Variants in HTT-AS observed in about 807,000 individuals in gnomAD.
The protein encoded by HTT-AS is HTT antisense RNA (head to head).
intron 1 of HTT-AS, among the ~76,000 whole-genome samples, chr4:3,073,985 C>A (rs1255892656): frequency 6.6e-6 from 1 of 151,930 alleles, no homozygotes; most frequent in Non-Finnish European, 1.5e-5. Flanking sequence ...CATGGGCCTG[C>A]GCCCGCGCTC....
chr4:3,066,702 G>A (rs1259781420), intron 1 of HTT-AS, among the ~76,000 whole-genome samples: 5 of 152,162 alleles, frequency 3.3e-5, no homozygotes, highest in Non-Finnish European at 7.3e-5. Context: ...GATTAAGATG[G>A]CCTAGGACTT....
chr4:3,048,111 T>G (rs1711634514), downstream of HTT-AS, among the ~76,000 whole-genome samples: 1 of 152,092 alleles, frequency 6.6e-6, no homozygotes, highest in African/African-American at 2.4e-5. Flanking sequence ...AGTGGTCCCC[T>G]GGGCCCAGCT....
At chr4:3,046,403 G>A (rs1470256695), downstream of HTT-AS, among the ~76,000 whole-genome samples, 1 of 152,202 alleles carries the variant, frequency 6.6e-6, no homozygotes, top group East Asian at 1.9e-4. Flanking sequence ...CCAAGACTCA[G>A]GTACTGCCAC....
At chr4:3,051,643 TTGAA>T (rs1383042509) in intron 2 of HTT-AS, among the ~76,000 whole-genome samples, 1 of 119,076 alleles carries the variant, frequency 8.4e-6, no homozygotes, top group Non-Finnish European at 1.9e-5. Flanking sequence ...TTCAAACTGG[TTGAA>T]TGAATTAAAA....
chr4:3,072,011 C>T (rs538302123), intron 1 of HTT-AS, among the ~76,000 whole-genome samples: 4 of 152,332 alleles, frequency 2.6e-5, no homozygotes, highest in Non-Finnish European at 5.9e-5. Flanking sequence ...AACAAATCAC[C>T]CCAGCACTGT....
chr4:3,054,228 C>T (rs994696313), intron 2 of HTT-AS, among the ~76,000 whole-genome samples: 3 of 151,136 alleles, frequency 2.0e-5, no homozygotes, highest in East Asian at 1.9e-4. Context: ...GAAAGGATCT[C>T]GTATGGTAAA....
At chr4:3,069,707 C>T (rs1287281911) in intron 1 of HTT-AS, among the ~76,000 whole-genome samples, 3 of 152,192 alleles carry the variant, frequency 2.0e-5, no homozygotes, top group South Asian at 2.1e-4. Flanking sequence ...GCGCCCCCGC[C>T]GCTGTCCTGC....
At chr4:3,068,212 A>G (rs141794700) in intron 1 of HTT-AS, among the ~76,000 whole-genome samples, 8,728 of 147,688 alleles carry the variant, frequency 0.059, 442 homozygotes, top group African/African-American at 0.14. Flanking sequence ...AGGCTGAGGC[A>G]GGAGAATGGC....
chr4:3,051,370 C>A lies in HTT-AS; in HGVS notation n.1381-1672G>T, dbSNP rs534939495. Among the ~76,000 whole-genome samples, 10 of 152,140 alleles carry A rather than the reference C, an allele frequency of 6.6e-5. No homozygotes were observed. The South Asian group carries it at 2.1e-3, about 32-fold the overall frequency. ...GTGAGCCACCGCGCCTGGCCTTTTG[C>A]CAGTTTGATATTTGGTGCCCCCATG... On this transcript the variant is annotated intron_variant and non_coding_transcript_variant, in intron 2 of 2. Coordinates refer to ENST00000664062, the Ensembl canonical transcript of HTT-AS.
chr4:3,055,458 G>T, intron 2 of HTT-AS, among the ~76,000 whole-genome samples: 1 of 152,150 alleles, frequency 6.6e-6, no homozygotes, highest in Non-Finnish European at 1.5e-5. Context: ...GCCAATTTGT[G>T]CTGCAGCCTA....
At chr4:3,060,600 G>A (rs1028309330) in intron 2 of HTT-AS, among the ~76,000 whole-genome samples, 1 of 152,186 alleles carries the variant, frequency 6.6e-6, no homozygotes, top group African/African-American at 2.4e-5. Flanking sequence ...CAGCCCCCAA[G>A]CATTTTCTTT....
At chr4:3,061,554 C>A (rs900862403) in intron 2 of HTT-AS, among the ~76,000 whole-genome samples, 31 of 151,730 alleles carry the variant, frequency 2.0e-4, no homozygotes, top group African/African-American at 7.3e-4. Context: ...TGGTGGCGGG[C>A]GCCTGTAATC....
At chr4:3,053,409 G>C (rs973030858) in intron 2 of HTT-AS, among the ~76,000 whole-genome samples, 1 of 151,974 alleles carries the variant, frequency 6.6e-6, no homozygotes, top group African/African-American at 2.4e-5. Flanking sequence ...GGCGCATGCT[G>C]GTAATCCCAG....
rs1578467737 is a variant in HTT-AS, at chr4:3,061,854, C to T, written n.1380+580G>A. ...AAAACTAGCTGGGTGTGGTGGCGAGCACCTGTAGTCCCAGCTACTCGGCAG... is the reference window on the plus strand; with the variant it reads ...AAAACTAGCTGGGTGTGGTGGCGAGTACCTGTAGTCCCAGCTACTCGGCAG... On this transcript the variant is annotated intron_variant and non_coding_transcript_variant, in intron 2 of 2. Coordinates refer to ENST00000664062, the Ensembl canonical transcript of HTT-AS. 3.3e-5 allele frequency among the ~76,000 whole-genome samples: 5 copies of T among 151,466 alleles called. No homozygotes were observed. The East Asian group carries it at 9.8e-4, about 30-fold the overall frequency.
chr4:3,051,204 T>C (rs529312924), intron 2 of HTT-AS, among the ~76,000 whole-genome samples: 1 of 152,242 alleles, frequency 6.6e-6, no homozygotes, highest in East Asian at 1.9e-4. Context: ...TAGCTGGGAT[T>C]ACAGGCATGT....
intron 2 of HTT-AS, among the ~76,000 whole-genome samples, chr4:3,062,202 T>C (rs1578467914): frequency 6.6e-6 from 1 of 152,004 alleles, no homozygotes; most frequent in Non-Finnish European, 1.5e-5. Flanking sequence ...GCTAATGTTT[T>C]ATTTTTTTTG....
At chr4:3,056,135 C>G (rs1711800270) in intron 2 of HTT-AS, among the ~76,000 whole-genome samples, 1 of 152,078 alleles carries the variant, frequency 6.6e-6, no homozygotes, top group Admixed American at 6.5e-5. Context: ...ACTCAGTGCC[C>G]CAGGGGTCAT....
chr4:3,052,469 C>A (rs1223362678), intron 2 of HTT-AS, among the ~76,000 whole-genome samples: 1 of 152,180 alleles, frequency 6.6e-6, no homozygotes, highest in Non-Finnish European at 1.5e-5. Flanking sequence ...CTGTTTTACT[C>A]ATGAAACCCC....
At chr4:3,059,121 T>C (rs1217177351) in intron 2 of HTT-AS, among the ~76,000 whole-genome samples, 2 of 152,200 alleles carry the variant, frequency 1.3e-5, no homozygotes, top group African/African-American at 4.8e-5. Flanking sequence ...GCATAGTAGG[T>C]AGGCAGACTG....
Sources: allele counts gnomAD v4.1 joint callset (sites outside exome capture counted in the v4.1 genomes callset), GRCh38; gene constraint gnomAD v4.1.1; transcripts MANE v1.5; gene names NCBI Gene and HGNC (gene_info 2026-07-23, HGNC 2026-07-21).